KLF8: variants seen among roughly 807,000 people sequenced by gnomAD.
The protein encoded by KLF8 is Krueppel-like factor 8.
In KLF8, 10 loss-of-function variants were observed where a neutral mutation model predicts 18.2. The observed-to-expected ratio is 0.55, with a 90% CI of 0.34 to 0.93. The LOEUF (loss-of-function observed/expected upper bound fraction) is 0.93, where lower values mean the gene tolerates loss of function less well. Among genes scored for constraint, KLF8 ranks in the 40% least tolerant of loss-of-function variants. The pLI is 0.02. For synonymous variants in KLF8, 109 were observed against 97.3 expected (o/e 1.12, Z -0.71); for missense variants, 264 against 277.9 (o/e 0.95, Z 0.36).
At chrX:56,094,372 G>A in the KLF8 span, among the ~76,000 whole-genome samples, 3 of 110,971 alleles carry the variant, frequency 2.7e-5, no homozygotes, top group Admixed American at 2.9e-4. Context: ...ATCAAGACAT[G>A]CATTATATAA....
At position 56,287,749 on chromosome X, in the gene KLF8, G is replaced by A. The variant is rs1405167022; in HGVS notation, c.*3255G>A. ...AACTTTTTATTTTCAAACAGTTTCA[G>A]TTTTACAGAAAAAATGTGAAGCTAG... is the stretch of plus-strand genomic sequence containing the variant. On this transcript the variant is annotated 3_prime_UTR_variant, in exon 6 of 6. Transcript: ENST00000468660. 9.0e-6 allele frequency: 1 copy of A among 111,724 alleles called. No individual in the cohort carries two copies. The highest frequency in any genetic ancestry group is 1.9e-5 in the Non-Finnish European group (1 of 53,171). The allele number at this position is 111,724 out of a possible 1,213,427, so 9.2% of individuals were successfully genotyped here. A position where few individuals can be genotyped will look rare whatever the true frequency, so the allele number is the denominator to read the frequency against.
chrX:56,124,253 A>G, the KLF8 span, among the ~76,000 whole-genome samples: 1 of 111,866 alleles, frequency 8.9e-6, no homozygotes, highest in Admixed American at 9.6e-5. Flanking sequence ...ACTAGAATGC[A>G]GGCTTAATGA....
At chrX:56,078,054 G>A in the KLF8 span, among the ~76,000 whole-genome samples, 1 of 109,463 alleles carries the variant, frequency 9.1e-6, no homozygotes, top group Non-Finnish European at 1.9e-5. Context: ...GAGACAATGG[G>A]GTTTTCCAGA....
At chrX:56,244,790 C>G (rs1000602182) in intron 1 of KLF8, among the ~76,000 whole-genome samples, 4 of 112,058 alleles carry the variant, frequency 3.6e-5, no homozygotes, top group African/African-American at 1.3e-4. Context: ...TTCTCAAAAC[C>G]CTTAAGCATT....
intron 2 of KLF8, among the ~76,000 whole-genome samples, chrX:56,257,439 T>C (rs2066813707): frequency 9.0e-6 from 1 of 111,706 alleles, no homozygotes; most frequent in East Asian, 2.8e-4. Flanking sequence ...ATGCCGAGGT[T>C]TGGGATATGG....
intron 5 of KLF8, among the ~76,000 whole-genome samples, chrX:56,277,206 T>A (rs1270191003): frequency 8.9e-6 from 1 of 111,998 alleles, no homozygotes; most frequent in Non-Finnish European, 1.9e-5. Context: ...TGGATCGTCT[T>A]GATGCTTGTA....
chrX:56,052,354 A>G, the KLF8 span, among the ~76,000 whole-genome samples: 3 of 111,902 alleles, frequency 2.7e-5, no homozygotes, highest in Admixed American at 9.5e-5. Context: ...TCTGCTTTTT[A>G]GAGTTTCCAG....
the KLF8 span, among the ~76,000 whole-genome samples, chrX:56,100,803 A>G: frequency 8.9e-6 from 1 of 112,066 alleles, no homozygotes; most frequent in Admixed American, 9.5e-5. Context: ...TGGATGAGGA[A>G]TTGTTTCTTA....
chrX:56,152,022 T>C, the KLF8 span, among the ~76,000 whole-genome samples: 1 of 112,174 alleles, frequency 8.9e-6, no homozygotes, highest in African/African-American at 3.2e-5. Flanking sequence ...TTTTATTATA[T>C]AATTAGAGAA....
the KLF8 span, among the ~76,000 whole-genome samples, chrX:56,063,615 G>C: frequency 8.9e-6 from 1 of 111,911 alleles, no homozygotes; most frequent in Non-Finnish European, 1.9e-5. Context: ...GTGTGTCCCA[G>C]TCAGGAGACA....
chrX:56,154,514 T>A, the KLF8 span, among the ~76,000 whole-genome samples: 1 of 111,828 alleles, frequency 8.9e-6, no homozygotes, highest in African/African-American at 3.3e-5. Context: ...GAAGAAAACC[T>A]AGGCATTACC....
the KLF8 span, among the ~76,000 whole-genome samples, chrX:56,201,406 C>T: frequency 9.0e-6 from 1 of 111,336 alleles, no homozygotes; most frequent in African/African-American, 3.3e-5. Flanking sequence ...GAATCTAAAA[C>T]AGGCAAACTC....
the KLF8 span, among the ~76,000 whole-genome samples, chrX:55,957,402 G>C: frequency 2.7e-5 from 3 of 111,770 alleles, no homozygotes; most frequent in African/African-American, 9.7e-5. Flanking sequence ...TGAATTTTAG[G>C]AAGAATTTTT....
chrX:56,129,572 T>G, the KLF8 span, among the ~76,000 whole-genome samples: 13,770 of 110,950 alleles, frequency 0.12, 1,548 homozygotes, highest in African/African-American at 0.36. Flanking sequence ...ACAGGAGTCC[T>G]GTGGGAGGGC....
At chrX:56,192,645 C>G in the KLF8 span, among the ~76,000 whole-genome samples, 1 of 111,695 alleles carries the variant, frequency 9.0e-6, no homozygotes, top group Non-Finnish European at 1.9e-5. Context: ...AATGCAAAAC[C>G]TGGAAACAAA....
chrX:56,161,582 C>T, the KLF8 span, among the ~76,000 whole-genome samples: 5 of 112,063 alleles, frequency 4.5e-5, no homozygotes, highest in African/African-American at 6.5e-5. Flanking sequence ...CTTGTGCATT[C>T]GTCACGTACT....
chrX:55,988,483 G>C, the KLF8 span, among the ~76,000 whole-genome samples: 6 of 111,490 alleles, frequency 5.4e-5, no homozygotes, highest in South Asian at 3.8e-4. Flanking sequence ...TCTTGTTTTT[G>C]TCAGGTTTGT....
the KLF8 span, among the ~76,000 whole-genome samples, chrX:56,070,498 T>G: frequency 9.0e-6 from 1 of 110,521 alleles, no homozygotes; most frequent in African/African-American, 3.3e-5. Context: ...AGGAAAGAGA[T>G]CATATCCTTT....
chrX:56,126,514 C>T, the KLF8 span, among the ~76,000 whole-genome samples: 2 of 111,340 alleles, frequency 1.8e-5, no homozygotes, highest in Non-Finnish European at 3.8e-5. Context: ...CAGATCCCTT[C>T]AGTGGCTTCC....
Sources: allele counts gnomAD v4.1 joint callset (sites outside exome capture counted in the v4.1 genomes callset), GRCh38; gene constraint gnomAD v4.1.1; transcripts MANE v1.5; gene names NCBI Gene and HGNC (gene_info 2026-07-23, HGNC 2026-07-21).